MREG: variants seen among roughly 807,000 people sequenced by gnomAD.
MREG encodes the protein dilute suppressor protein homolog.
MREG carries 31 observed loss-of-function variants against 28.5 expected under a neutral mutation model. That is an observed-to-expected ratio of 1.09 (90% confidence interval 0.82 to 1.47). The LOEUF (loss-of-function observed/expected upper bound fraction) is 1.47, where lower values mean the gene tolerates loss of function less well. Ranked by LOEUF, MREG falls within the 40% of genes most tolerant of loss-of-function variation. MREG has a pLI of 0.00. For synonymous variants in MREG, 106 were observed against 95.2 expected (o/e 1.11, Z -0.66); for missense variants, 256 against 257.4 (o/e 0.99, Z 0.04).
At chr2:216,027,588 G>A (rs1188586250) in intron 1 of MREG, among the ~76,000 whole-genome samples, 3 of 152,186 alleles carry the variant, frequency 2.0e-5, no homozygotes, top group Non-Finnish European at 2.9e-5. Context: ...AGCTACTTGG[G>A]AGGTTGAGGC....
At chr2:215,942,396 A>G (rs1332442596), downstream of MREG, among the ~76,000 whole-genome samples, 1 of 152,176 alleles carries the variant, frequency 6.6e-6, no homozygotes, top group Non-Finnish European at 1.5e-5. Context: ...CACCTGAGGC[A>G]CCCCTGCGCC....
intron 1 of MREG, among the ~76,000 whole-genome samples, chr2:216,027,578 A>G (rs755992914): frequency 3.3e-5 from 5 of 152,220 alleles, no homozygotes; most frequent in Admixed American, 6.5e-5. Context: ...CTGTAATCCC[A>G]GCTACTTGGG....
intron 1 of MREG, among the ~76,000 whole-genome samples, chr2:216,001,440 C>T (rs573508037): frequency 6.6e-6 from 1 of 152,304 alleles, no homozygotes; most frequent in Non-Finnish European, 1.5e-5. Flanking sequence ...TGCCTCCCAG[C>T]AGTGGTATTC....
rs896808957 is a variant in MREG at position 215,951,898 on chromosome 2, T to A, written c.256-4785A>T. 1.4e-4 allele frequency among the ~76,000 whole-genome samples: 21 copies of A among 152,344 alleles called. No homozygotes were observed. In the South Asian group the frequency reaches 3.9e-3, roughly 29 times the overall value. ...TCATGCATAAAACTAAAACAACATT[T>A]GATTCTTTAACCAGCATTTCCCCAT... On this transcript the variant is annotated intron_variant, in intron 2 of 4. Coordinates refer to ENST00000263268, the MANE Select transcript of MREG (RefSeq NM_018000.3).
chr2:215,996,149 G>A (rs1377567820), intron 2 of MREG, among the ~76,000 whole-genome samples, 157 bp downstream of exon 2: 1 of 152,182 alleles, frequency 6.6e-6, no homozygotes, highest in East Asian at 1.9e-4. Context: ...GCTATAATTA[G>A]CAACCAGTGA....
chr2:215,945,325 T>C (rs1692291001), intron 4 of MREG, among the ~76,000 whole-genome samples: 1 of 152,154 alleles, frequency 6.6e-6, no homozygotes, highest in Non-Finnish European at 1.5e-5. Flanking sequence ...CACTGAAAAA[T>C]ACAAACTCTT....
chr2:215,948,450 G>C (rs892274091), intron 2 of MREG, among the ~76,000 whole-genome samples: 1 of 152,220 alleles, frequency 6.6e-6, no homozygotes, highest in African/African-American at 2.4e-5. Flanking sequence ...CATGGTGATT[G>C]GGGTCAGGGA....
At chr2:215,972,152 A>G (rs1693116901) in intron 2 of MREG, among the ~76,000 whole-genome samples, 1 of 152,084 alleles carries the variant, frequency 6.6e-6, no homozygotes, top group Admixed American at 6.5e-5. Flanking sequence ...GGAATCCTGG[A>G]TCCCAAGCCT....
At chr2:215,977,093 T>C (rs1308180700) in intron 2 of MREG, among the ~76,000 whole-genome samples, 1 of 152,142 alleles carries the variant, frequency 6.6e-6, no homozygotes, top group Admixed American at 6.5e-5. Context: ...GCAAACTGGA[T>C]AAAGAGTCAT....
intron 2 of MREG, among the ~76,000 whole-genome samples, chr2:215,991,329 T>C (rs1693714768): frequency 6.6e-6 from 1 of 152,136 alleles, no homozygotes; most frequent in African/African-American, 2.4e-5. Flanking sequence ...GATAAATAAG[T>C]TCTCTGAAAC....
chr2:216,005,381 G>A (rs751874996), intron 1 of MREG, among the ~76,000 whole-genome samples: 3 of 143,676 alleles, frequency 2.1e-5, no homozygotes, highest in South Asian at 4.6e-4. Flanking sequence ...AGGAGATAAG[G>A]GGCTGGCAAT....
In MREG at chr2:216,011,358, A is replaced by C. The variant is rs181434773; in HGVS notation, c.95+1875T>G. ...GAATGACACCAAACCACATGAGACC[A>C]GTCCACTCATACCCACATGCTCAGA... is the stretch of plus-strand genomic sequence containing the variant. On this transcript the variant is annotated intron_variant, in intron 1 of 4. Coordinates refer to ENST00000263268, the MANE Select transcript of MREG (RefSeq NM_018000.3). Among the ~76,000 whole-genome samples, 26 of 152,350 alleles carry C rather than the reference A, an allele frequency of 1.7e-4. No individual in the cohort carries two copies. In the South Asian group the frequency reaches 1.9e-3, roughly 11 times the overall value.
At chr2:215,949,559 T>C (rs1400134392) in intron 2 of MREG, among the ~76,000 whole-genome samples, 1 of 141,796 alleles carries the variant, frequency 7.1e-6, no homozygotes, top group Non-Finnish European at 1.5e-5. Context: ...AGACTCTGTC[T>C]CAAAAAAAAA....
intron 2 of MREG, among the ~76,000 whole-genome samples, chr2:215,954,445 A>AACAAAC (rs1553547417): frequency 0.014 from 1,964 of 136,588 alleles, 54 homozygotes; most frequent in African/African-American, 0.05. Flanking sequence ...ATCTGTGTAC[A>AACAAAC]ACACACACAC....
chr2:216,028,269 A>C (rs932054607), intron 1 of MREG, among the ~76,000 whole-genome samples: 3 of 152,162 alleles, frequency 2.0e-5, no homozygotes, highest in African/African-American at 7.2e-5. Context: ...TAATCCCAGC[A>C]CTTTGGGAGG....
intron 2 of MREG, among the ~76,000 whole-genome samples, chr2:215,974,982 A>C (rs1693210480): frequency 8.9e-6 from 1 of 112,802 alleles, no homozygotes; most frequent in African/African-American, 3.1e-5. Flanking sequence ...AGGAAATAAC[A>C]GGGAGAGAAT....
chr2:216,008,246 T>C (rs992693037), intron 1 of MREG, among the ~76,000 whole-genome samples: 1 of 152,152 alleles, frequency 6.6e-6, no homozygotes, highest in African/African-American at 2.4e-5. Context: ...ATGCTCCTGA[T>C]CCTGTACAGA....
In MREG at chr2:215,945,828, T is replaced by C. The variant is rs1399586453; in HGVS notation, c.347-94A>G. 5 of 1,059,302 alleles carry C rather than the reference T, an allele frequency of 4.7e-6. No homozygotes were observed. In the African/African-American group the frequency reaches 7.9e-5, roughly 17 times the overall value. The allele number at this position is 1,059,302 out of a possible 1,614,324, so 65.6% of individuals were successfully genotyped here. On this transcript the variant is annotated intron_variant, in intron 3 of 4. Coordinates refer to ENST00000263268, the MANE Select transcript of MREG (RefSeq NM_018000.3). The stretch of plus-strand genomic sequence containing the variant: ...CTGCAGGAGATTACGAACAGACCCA[T>C]GTGGATTCTGTACAAGCATAAAGCA...
chr2:215,945,797 C>T (rs1399801747), intron 3 of MREG, 63 bp from the exon 4 acceptor site: 62 of 1,429,626 alleles, frequency 4.3e-5, no homozygotes, highest in Non-Finnish European at 5.6e-5. Context: ...TTCCGCAATA[C>T]GGTCCCTGCA....
Sources: allele counts gnomAD v4.1 joint callset (sites outside exome capture counted in the v4.1 genomes callset), GRCh38; gene constraint gnomAD v4.1.1; transcripts MANE v1.5; gene names NCBI Gene and HGNC (gene_info 2026-07-23, HGNC 2026-07-21).